CAPN9: variants seen among roughly 807,000 people sequenced by gnomAD.
CAPN9 encodes the protein calpain-9.
In CAPN9, 81 loss-of-function variants were observed where a neutral mutation model predicts 92.8. That is an observed-to-expected ratio of 0.87 (90% CI 0.73 to 1.05). The LOEUF is 1.05. Among genes scored for constraint, CAPN9 ranks in the 50% least tolerant of loss-of-function variants. CAPN9 has a pLI of 0.00. For synonymous variants in CAPN9, 304 were observed against 328.0 expected (o/e 0.93, Z 0.79); for missense variants, 848 against 866.2 (o/e 0.98, Z 0.26).
At chr1:230,751,615 G>C (rs200945753) in intron 1 of CAPN9, among the ~76,000 whole-genome samples, 10 of 33,678 alleles carry the variant, frequency 3.0e-4, no homozygotes, top group African/African-American at 1.2e-3. Context: ...GAAAGAGAAA[G>C]AAAGAAAGAA....
Position 230,801,570 on chromosome 1 carries a change from T to C in CAPN9, c.2047T>C (p.Phe683Leu). The change falls in exon 20 of 20, where the codon TTC (phenylalanine) becomes CTC (leucine). Residue 683 changes from phenylalanine (F) to leucine (L), a missense_variant and splice_region_variant. Transcript: ENST00000271971. Reference protein sequence around the residue: ...KEFIHLNINEFIHLTMNI With the variant: ...KEFIHLNINELIHLTMNI ...CTCATCTCTCTCTCTCTCTTCCCAG[T>C]TCATCCATTTGACAATGAACATCTG... 6.2e-7 allele frequency: 1 copy of C among 1,613,834 alleles called. No individual in the cohort carries two copies. Among genetic ancestry groups the C allele is most frequent in the Non-Finnish European group, 8.5e-7 (1 of 1,179,764 alleles).
chr1:230,795,884 G>C (rs1260974378), intron 18 of CAPN9, among the ~76,000 whole-genome samples: 1 of 152,124 alleles, frequency 6.6e-6, no homozygotes, highest in Non-Finnish European at 1.5e-5. Context: ...CCTCAAGGGT[G>C]CCTCGTGCTT....
chr1:230,754,558 T>C (rs1665097659), intron 1 of CAPN9, among the ~76,000 whole-genome samples: 1 of 151,084 alleles, frequency 6.6e-6, no homozygotes, highest in Admixed American at 6.6e-5. Context: ...CCTCAATACC[T>C]TGGGAATCCA....
intron 14 of CAPN9, among the ~76,000 whole-genome samples, chr1:230,790,799 C>A (rs1667930026): frequency 6.6e-6 from 1 of 152,108 alleles, no homozygotes; most frequent in African/African-American, 2.4e-5. Context: ...CACACACACA[C>A]AATCAGCCAG....
rs751244678 is a variant in CAPN9 at position 230,767,593 on chromosome 1, G to T, written c.589G>T (p.Glu197Ter). ...LKGGSAIEAMEDFTGGVAETF... is the reference protein window; with the variant it reads ...LKGGSAIEAM ...GGGAGGCAGCGCCATCGAGGCCATG[G>T]AAGACTTCACTGGGGGTGTGGCAGA... Residue 197 changes from glutamate (E) to a stop codon, truncating the protein, a stop_gained, in exon 5 of 20, where the codon GAA (glutamate) becomes TAA (stop). Coordinates refer to ENST00000271971, the MANE Select transcript of CAPN9 (RefSeq NM_006615.3). LOFTEE classifies it high-confidence loss of function. 2 of 1,613,840 alleles carry T rather than the reference G, an allele frequency of 1.2e-6. No individual in the cohort carries two copies. The highest frequency in any genetic ancestry group is 1.7e-6 in the Non-Finnish European group (2 of 1,179,870).
intron 10 of CAPN9, 33 bp from the exon 11 acceptor site, chr1:230,780,467 C>T (rs565750642): frequency 3.7e-6 from 6 of 1,608,468 alleles, no homozygotes; most frequent in African/African-American, 1.3e-5. Flanking sequence ...AGGAACTTCC[C>T]TAGGAAACCC....
chr1:230,766,556 C>T (rs573685799), intron 4 of CAPN9, among the ~76,000 whole-genome samples: 14 of 152,300 alleles, frequency 9.2e-5, no homozygotes, highest in Admixed American at 3.3e-4. Context: ...TATAAACTGT[C>T]ACAGCCACAA....
At chr1:230,799,126 T>C (rs548384618) in intron 19 of CAPN9, among the ~76,000 whole-genome samples, 3 of 152,156 alleles carry the variant, frequency 2.0e-5, no homozygotes, top group African/African-American at 7.2e-5. Context: ...GAGTTTCTCC[T>C]CTCCACCAAT....
chr1:230,755,469 T>G, intron 2 of CAPN9, 63 bp downstream of exon 2: 2 of 1,330,992 alleles, frequency 1.5e-6, no homozygotes, highest in Non-Finnish European at 2.1e-6. Context: ...GGCAAGCAAC[T>G]GCAGCATGGG....
At chr1:230,790,277 C>A in intron 14 of CAPN9, 88 bp downstream of exon 14, 1 of 1,532,404 alleles carries the variant, frequency 6.5e-7, no homozygotes, top group South Asian at 1.3e-5. Flanking sequence ...TCCTCCGAGC[C>A]GCAGATCTGC....
chr1:230,790,866 G>T (rs1667935131), intron 14 of CAPN9, among the ~76,000 whole-genome samples: 1 of 152,154 alleles, frequency 6.6e-6, no homozygotes, highest in Non-Finnish European at 1.5e-5. Flanking sequence ...CAGGAGAATT[G>T]CTTAAACCTG....
chr1:230,750,293 G>A (rs75069720), intron 1 of CAPN9, among the ~76,000 whole-genome samples: 2,330 of 152,262 alleles, frequency 0.015, 69 homozygotes, highest in African/African-American at 0.053. Context: ...ACCCTTTATT[G>A]ATCTTAACCC....
intron 12 of CAPN9, 32 bp downstream of exon 12, chr1:230,786,049 G>A (rs185645215): frequency 1.2e-6 from 2 of 1,611,724 alleles, no homozygotes. Flanking sequence ...TGGAGTATGG[G>A]ATTCAGGTGA....
intron 1 of CAPN9, chr1:230,752,766 T>G (rs1664929465): frequency 1.1e-6 from 1 of 926,654 alleles, no homozygotes; most frequent in African/African-American, 1.8e-5. Flanking sequence ...GGCTATCCCC[T>G]GGCAGGGGCT....
In CAPN9 at chr1:230,747,592, G is replaced by A. The variant is rs930312098; in HGVS notation, c.96G>A (p.Met32Ile). Residue 32 changes from methionine (M) to isoleucine (I), a missense_variant, in exon 1 of 20, where the codon ATG becomes ATA. Coordinates refer to ENST00000271971, the MANE Select transcript of CAPN9 (RefSeq NM_006615.3). ...THSSGQSFEQ[M>I]RQECLQRGTL... ...CCTCAGGCCAGAGCTTTGAGCAAAT[G>A]AGGCAGGAGTGCCTGCAGAGAGGCA... 1.9e-6 allele frequency: 3 copies of A among 1,614,078 alleles called. No individual in the cohort carries two copies. Among genetic ancestry groups the A allele is most frequent in the African/African-American group, 2.7e-5 (2 of 74,936 alleles).
In CAPN9 at chr1:230,800,288, AAG is replaced by A. The variant is rs1242347069; in HGVS notation, c.2047-1280_2047-1279del. On this transcript the variant is annotated intron_variant, in intron 19 of 19. Coordinates refer to ENST00000271971, the MANE Select transcript of CAPN9 (RefSeq NM_006615.3). Reference sequence around the variant, plus strand: ...AAAGAAAGAAAGAAAGAAAGAAAGAAAGAAAGAAAGAAAGAAAGGAAAAACAA... The same window carrying A: ...AAAGAAAGAAAGAAAGAAAGAAAGAAAAAGAAAGAAAGAAAGGAAAAACAA... Among the ~76,000 whole-genome samples, 38 of 122,012 alleles carry A rather than the reference AAG, an allele frequency of 3.1e-4. 3 individuals carry two copies. The highest frequency in any genetic ancestry group is 1.0e-3 in the African/African-American group (33 of 33,056). 80.0% of individuals were successfully genotyped at this position (122,012 alleles called of 152,430 possible). A position where few individuals can be genotyped will look rare whatever the true frequency, so the allele number is the denominator to read the frequency against.
chr1:230,790,188 G>GAGTA lies in CAPN9; in HGVS notation c.1657+3_1657+6dup. The GAGTA allele has an allele frequency of 6.2e-7, 1 of 1,614,146 alleles. No individual in the cohort carries two copies. Among genetic ancestry groups the GAGTA allele is most frequent in the Non-Finnish European group, 8.5e-7 (1 of 1,180,006 alleles). ...ATGTTTTAAATGCTGTGCTGCAAAA[G>GAGTA]AGTAAGTGCCAACCCCATCGGGGTC... On this transcript the variant is annotated frameshift_variant and splice_region_variant, in exon 14 of 20. Transcript: ENST00000271971. LOFTEE classifies it high-confidence loss of function.
At chr1:230,800,494 G>A (rs972742206) in intron 19 of CAPN9, among the ~76,000 whole-genome samples, 1 of 152,154 alleles carries the variant, frequency 6.6e-6, no homozygotes, top group Non-Finnish European at 1.5e-5. Context: ...CACCAGCAGT[G>A]TGGAGGAAGT....
intron 11 of CAPN9, among the ~76,000 whole-genome samples, chr1:230,784,783 G>A (rs1667462315): frequency 6.6e-6 from 1 of 152,246 alleles, no homozygotes; most frequent in African/African-American, 2.4e-5. Flanking sequence ...GAGGTTCAAG[G>A]TCTCGCACAG....
Sources: gnomAD v4.1 joint callset for allele counts (sites outside exome capture counted in the v4.1 genomes callset) on GRCh38, gnomAD v4.1.1 for gene constraint, MANE v1.5 for transcripts, NCBI Gene and HGNC (gene_info 2026-07-23, HGNC 2026-07-21) for gene names.